The following FOXN3 variants were observed in gnomAD, a reference collection of about 807,000 sequenced individuals.
FOXN3 encodes forkhead box protein N3.
A neutral mutation model predicts 38.4 loss-of-function variants in FOXN3; 7 were observed. The ratio of observed to expected loss-of-function variants is 0.18; its 90% confidence interval spans 0.10 to 0.34. The LOEUF (loss-of-function observed/expected upper bound fraction) is 0.34. Among genes scored for constraint, FOXN3 ranks in the 10% least tolerant of loss-of-function variants. The pLI is 1.00. For missense variants in FOXN3, 456 were observed against 613.4 expected, an observed-to-expected ratio of 0.74 and a Z score of 2.71; for synonymous variants, 230 against 242.2, an observed-to-expected ratio of 0.95 and a Z score of 0.47.
At chr14:89,401,803 T>TC (rs1891254691) in intron 2 of FOXN3, 1 of 370,430 alleles carries the variant, frequency 2.7e-6, no homozygotes, top group South Asian at 2.0e-5. Flanking sequence ...TTCACAGAAC[T>TC]CCAATAAATA....
intron 3 of FOXN3, among the ~76,000 whole-genome samples, chr14:89,337,516 C>T (rs1484519376): frequency 1.3e-5 from 2 of 152,160 alleles, no homozygotes; most frequent in South Asian, 2.1e-4. Context: ...AGTGCCAGTT[C>T]CGCAGAAATG....
chr14:89,426,216 T>G (rs1029491784), intron 1 of FOXN3, among the ~76,000 whole-genome samples: 1 of 2,016 alleles, frequency 5.0e-4, no homozygotes, highest in Non-Finnish European at 1.4e-3. Flanking sequence ...GGAGTACTGA[T>G]TTTTTTTTTT....
chr14:89,289,775 A>T (rs1364465625), intron 3 of FOXN3, among the ~76,000 whole-genome samples: 1 of 152,234 alleles, frequency 6.6e-6, no homozygotes, highest in Non-Finnish European at 1.5e-5. Context: ...CACGATAAGA[A>T]AAAAACTGTA....
chr14:89,562,775 A>G (rs1895275922), intron 1 of FOXN3, among the ~76,000 whole-genome samples: 2 of 152,244 alleles, frequency 1.3e-5, no homozygotes, highest in Admixed American at 1.3e-4. Flanking sequence ...TTACATCCTC[A>G]TGAGGAGGTA....
At chr14:89,339,625 C>T (rs528826651) in intron 3 of FOXN3, among the ~76,000 whole-genome samples, 9 of 152,344 alleles carry the variant, frequency 5.9e-5, no homozygotes, top group Non-Finnish European at 8.8e-5. Flanking sequence ...TGCTCTACTG[C>T]GGGCAGGATC....
At chr14:89,456,872 C>G (rs1470723079) in intron 1 of FOXN3, among the ~76,000 whole-genome samples, 1 of 152,208 alleles carries the variant, frequency 6.6e-6, no homozygotes, top group Non-Finnish European at 1.5e-5. Context: ...AGTCACTTAA[C>G]CTTTCTGAGC....
chr14:89,453,400 C>CAA (rs558758113), intron 1 of FOXN3, among the ~76,000 whole-genome samples: 2 of 146,108 alleles, frequency 1.4e-5, no homozygotes, highest in African/African-American at 5.0e-5. Flanking sequence ...ACTAAAAATA[C>CAA]AAAAAAAAAA....
chr14:89,373,342 T>G (rs1202499550), intron 2 of FOXN3, among the ~76,000 whole-genome samples: 1 of 152,014 alleles, frequency 6.6e-6, no homozygotes, highest in Admixed American at 6.6e-5. Context: ...AGTTCTATAG[T>G]GGGGTGCTGG....
intron 2 of FOXN3, among the ~76,000 whole-genome samples, chr14:89,410,156 C>T (rs796446880): frequency 3.3e-5 from 5 of 149,936 alleles, no homozygotes; most frequent in Admixed American, 1.3e-4. Context: ...CACACAAACA[C>T]GTCCAATTTG....
chr14:89,468,031 T>C (rs958914543), intron 1 of FOXN3, among the ~76,000 whole-genome samples: 2 of 151,780 alleles, frequency 1.3e-5, no homozygotes, highest in Non-Finnish European at 2.9e-5. Context: ...AATATGAGCA[T>C]ATATATGCAT....
chr14:89,249,209 A>G, intron 4 of FOXN3, among the ~76,000 whole-genome samples: 1 of 152,206 alleles, frequency 6.6e-6, no homozygotes, highest in Non-Finnish European at 1.5e-5. Flanking sequence ...CATTCTAGAA[A>G]TTCCTGCAGA....
intron 1 of FOXN3, among the ~76,000 whole-genome samples, chr14:89,434,843 T>C (rs1008580042): frequency 2.0e-5 from 3 of 152,236 alleles, no homozygotes; most frequent in Non-Finnish European, 4.4e-5. Context: ...TCAAACTATG[T>C]ATCTTGTTCT....
intron 1 of FOXN3, among the ~76,000 whole-genome samples, chr14:89,555,136 T>G (rs1187649138): frequency 6.8e-6 from 1 of 147,018 alleles, no homozygotes; most frequent in African/African-American, 2.5e-5. Context: ...TGGTTTTTTT[T>G]GTACACTGTT....
chr14:89,497,904 T>G (rs1893718463), intron 1 of FOXN3, among the ~76,000 whole-genome samples: 1 of 144,742 alleles, frequency 6.9e-6, no homozygotes, highest in Admixed American at 6.9e-5. Context: ...ACACTTGTTA[T>G]TTCCTGTTTG....
intron 4 of FOXN3, among the ~76,000 whole-genome samples, chr14:89,200,479 G>A (rs1888209249): frequency 6.6e-6 from 1 of 152,184 alleles, no homozygotes; most frequent in Non-Finnish European, 1.5e-5. Flanking sequence ...GGTGGTGTTA[G>A]GATGGCCGGG....
intron 2 of FOXN3, among the ~76,000 whole-genome samples, chr14:89,378,706 CT>C (rs35772860): frequency 0.18 from 24,123 of 136,712 alleles, 1,974 homozygotes; most frequent in South Asian, 0.31. Context: ...TCTTTTTGCA[CT>C]TTTTTTTTTT....
At chr14:89,419,201 G>C (rs1891841147), upstream of FOXN3, 1 of 455,990 alleles carries the variant, frequency 2.2e-6, no homozygotes, top group Admixed American at 2.3e-5. Context: ...TGAAGAGGAA[G>C]TGGTGGACCA....
chr14:89,382,344 T>C (rs781546651), intron 2 of FOXN3, among the ~76,000 whole-genome samples: 2 of 152,102 alleles, frequency 1.3e-5, no homozygotes, highest in Non-Finnish European at 2.9e-5. Flanking sequence ...TCCATGCCTC[T>C]CCGTGCTCCA....
At chr14:89,532,615 G>C (rs1209770063) in intron 1 of FOXN3, among the ~76,000 whole-genome samples, 2 of 152,158 alleles carry the variant, frequency 1.3e-5, no homozygotes, top group African/African-American at 4.8e-5. Flanking sequence ...CTGATTTACT[G>C]TGGCAAAACA....
Sources: gnomAD v4.1 joint callset for allele counts (sites outside exome capture counted in the v4.1 genomes callset) on GRCh38, gnomAD v4.1.1 for gene constraint, MANE v1.5 for transcripts, NCBI Gene and HGNC (gene_info 2026-07-23, HGNC 2026-07-21) for gene names.